Variants in RPGRIP1 observed in about 807,000 individuals in gnomAD.
RPGRIP1 encodes the protein X-linked retinitis pigmentosa GTPase regulator-interacting protein 1.
In RPGRIP1, 128 loss-of-function variants were observed where a neutral mutation model predicts 157.9. That is an observed-to-expected ratio of 0.81 (90% confidence interval 0.70 to 0.94). The LOEUF (loss-of-function observed/expected upper bound fraction) is 0.94. RPGRIP1 is among the 40% of genes least tolerant of loss of function. The pLI is 0.00. For synonymous variants in RPGRIP1, 554 were observed against 571.6 expected, an observed-to-expected ratio of 0.97 and a Z score of 0.44; for missense variants, 1,486 against 1,545.8, an observed-to-expected ratio of 0.96 and a Z score of 0.65.
At chr14:21,300,826 C>T (rs1880993254) in intron 3 of RPGRIP1, 140 bp from the exon 4 acceptor site, 2 of 959,376 alleles carry the variant, frequency 2.1e-6, no homozygotes, top group African/African-American at 3.4e-5. Flanking sequence ...GGACAGAAGG[C>T]TAATCTTTTT....
chr14:21,333,222 A>T (rs1462610775), intron 20 of RPGRIP1, among the ~76,000 whole-genome samples: 1 of 152,226 alleles, frequency 6.6e-6, no homozygotes, highest in Non-Finnish European at 1.5e-5. Flanking sequence ...GTTGAAAAAG[A>T]AGCTTATTAA....
chr14:21,306,331 C>T (rs1329386507), intron 6 of RPGRIP1, among the ~76,000 whole-genome samples: 2 of 151,464 alleles, frequency 1.3e-5, no homozygotes, highest in African/African-American at 4.8e-5. Context: ...GGGGGTTTCA[C>T]CATGTTGGCC....
intron 2 of RPGRIP1, 71 bp from the exon 3 acceptor site, chr14:21,294,606 G>T (rs1367869955): frequency 7.1e-7 from 1 of 1,415,646 alleles, no homozygotes; most frequent in East Asian, 2.3e-5. Flanking sequence ...GACAAGATGT[G>T]ATGAGACATC....
chr14:21,298,832 C>T (rs777130050), intron 3 of RPGRIP1, among the ~76,000 whole-genome samples: 141 of 149,750 alleles, frequency 9.4e-4, no homozygotes, highest in African/African-American at 3.0e-3. Flanking sequence ...CCCAGCTACT[C>T]GGGAGGCTGA....
At chr14:21,342,710 G>C (rs187837125) in intron 21 of RPGRIP1, among the ~76,000 whole-genome samples, 2,118 of 152,080 alleles carry the variant, frequency 0.014, 43 homozygotes, top group African/African-American at 0.048. Context: ...CACCCTCCCC[G>C]CCGCTCCGAA....
chr14:21,284,530 G>T (rs959579873), intron 1 of RPGRIP1, among the ~76,000 whole-genome samples: 1 of 141,788 alleles, frequency 7.1e-6, no homozygotes, highest in Non-Finnish European at 1.5e-5. Context: ...AGTCAAGGCT[G>T]GAGAACTAAA....
At chr14:21,337,791 T>A (rs1271053599) in intron 21 of RPGRIP1, among the ~76,000 whole-genome samples, 1 of 144,992 alleles carries the variant, frequency 6.9e-6, no homozygotes, top group African/African-American at 2.6e-5. Context: ...AGTCTCGCTC[T>A]GTCACCCAGG....
At chr14:21,310,789 T>C (rs1594183109) in intron 8 of RPGRIP1, 182 bp downstream of exon 8, 1 of 678,212 alleles carries the variant, frequency 1.5e-6, no homozygotes, top group Admixed American at 2.2e-5. Flanking sequence ...AGATACTTAT[T>C]GCACTGTTTT....
At chr14:21,342,019 C>T (rs1885058477) in intron 21 of RPGRIP1, among the ~76,000 whole-genome samples, 1 of 150,004 alleles carries the variant, frequency 6.7e-6, no homozygotes, top group Non-Finnish European at 1.5e-5. Context: ...CACTGCACTC[C>T]AGCCTGGGCG....
At position 21,303,511 on chromosome 14, in the gene RPGRIP1, A is replaced by G. The variant is rs1285158818; in HGVS notation, c.768A>G (p.Ser256=). ...PKDENFEQRS[S]LECAQKAAEL... The stretch of plus-strand genomic sequence containing the variant: ...ATGAAAATTTTGAACAGAGAAGCTC[A>G]TTGGAGTGTGCTCAGAAGGCTGCAG... The change falls in exon 6 of 25, where the codon TCA becomes TCG. Residue 256 remains serine (S), a synonymous_variant. Coordinates refer to ENST00000400017, the MANE Select transcript of RPGRIP1 (RefSeq NM_020366.4). 2 of 1,613,730 alleles carry G rather than the reference A, an allele frequency of 1.2e-6. No homozygotes were observed. Among genetic ancestry groups the G allele is most frequent in the South Asian group, 1.1e-5 (1 of 91,084 alleles).
At position 21,317,677 on chromosome 14, in the gene RPGRIP1, G is replaced by C; in HGVS notation, c.1152-19G>C. ...CACCCCTTGGGGTATCCATCTGAGA[G>C]CTTGCTTTCCATTGCCAGCATGCTG... On this transcript the variant is annotated intron_variant, in intron 10 of 24. Coordinates refer to ENST00000400017, the MANE Select transcript of RPGRIP1 (RefSeq NM_020366.4). The C allele has an allele frequency of 6.4e-7, 1 of 1,572,320 alleles. No homozygotes were observed.
intron 3 of RPGRIP1, among the ~76,000 whole-genome samples, chr14:21,296,871 G>A (rs924322820): frequency 1.1e-4 from 17 of 150,656 alleles, no homozygotes; most frequent in African/African-American, 3.7e-4. Context: ...AGAATCACTT[G>A]AACCCAGGAG....
At chr14:21,310,539 T>G in intron 7 of RPGRIP1, 45 bp from the exon 8 acceptor site, 1 of 1,029,678 alleles carries the variant, frequency 9.7e-7, no homozygotes, top group East Asian at 2.7e-5. Flanking sequence ...AAATATATCA[T>G]GAAATTGATA....
intron 23 of RPGRIP1, among the ~76,000 whole-genome samples, chr14:21,347,900 T>C (rs2139364462): frequency 6.6e-6 from 1 of 151,972 alleles, no homozygotes; most frequent in East Asian, 1.9e-4. Context: ...TAATTTTTTA[T>C]TTTTTTTGTA....
chr14:21,289,201 G>C (rs1302074220), intron 2 of RPGRIP1, among the ~76,000 whole-genome samples: 1 of 151,946 alleles, frequency 6.6e-6, no homozygotes, highest in African/African-American at 2.4e-5. Flanking sequence ...TGTGGCGGGC[G>C]CCTGTAGTCC....
chr14:21,350,731 G>A (rs546818872), intron 24 of RPGRIP1, among the ~76,000 whole-genome samples: 8 of 152,254 alleles, frequency 5.3e-5, no homozygotes, highest in Non-Finnish European at 7.4e-5. Flanking sequence ...GGCAAGTGAC[G>A]TTATCTTTGT....
chr14:21,317,843 G>A lies in RPGRIP1; in HGVS notation c.1299G>A (p.Arg433=), dbSNP rs780261911. The A allele has an allele frequency of 2.5e-6, 4 of 1,604,606 alleles. No individual in the cohort carries two copies. The African/African-American group carries it at 4.0e-5, about 16-fold the overall frequency. ...GAAAAGTTTTACTTGAGCTGTCCAGGGAGAAAGGTAGGCTGGACCTTGAAG... is the reference window on the plus strand; with the variant it reads ...GAAAAGTTTTACTTGAGCTGTCCAGAGAGAAAGGTAGGCTGGACCTTGAAG... ...DKRKVLLELS[R]EKAQNEDLKL... is the part of the protein sequence containing the mutation. Residue 433 remains arginine (R), a synonymous_variant, in exon 11 of 25, where the codon AGG becomes AGA. Coordinates refer to ENST00000400017, the MANE Select transcript of RPGRIP1 (RefSeq NM_020366.4).
chr14:21,283,740 C>G (rs1880210825), intron 1 of RPGRIP1, among the ~76,000 whole-genome samples: 1 of 151,932 alleles, frequency 6.6e-6, no homozygotes. Context: ...TCACTGCAAT[C>G]TCCACCTGCC....
At chr14:21,291,098 T>C (rs1880510705) in intron 2 of RPGRIP1, among the ~76,000 whole-genome samples, 1 of 152,182 alleles carries the variant, frequency 6.6e-6, no homozygotes, top group African/African-American at 2.4e-5. Flanking sequence ...TTATTTGCCA[T>C]TTGTATATCT....
Sources: allele counts gnomAD v4.1 joint callset (sites outside exome capture counted in the v4.1 genomes callset), GRCh38; gene constraint gnomAD v4.1.1; transcripts MANE v1.5; gene names NCBI Gene and HGNC (gene_info 2026-07-23, HGNC 2026-07-21).